FNBP1: variants seen among roughly 807,000 people sequenced by gnomAD.
FNBP1 encodes the protein formin-binding protein 1.
FNBP1 carries 26 observed loss-of-function variants against 90.6 expected under a neutral mutation model. That is an observed-to-expected ratio of 0.29 (90% CI 0.21 to 0.40). The LOEUF (loss-of-function observed/expected upper bound fraction) is 0.40. FNBP1 is among the 10% of genes least tolerant of loss of function. FNBP1 has a pLI of 1.00. For synonymous variants in FNBP1, 260 were observed against 265.2 expected (o/e 0.98, Z 0.19); for missense variants, 635 against 768.0 (o/e 0.83, Z 2.05).
At chr9:129,912,852 G>A (rs1351538857) in intron 11 of FNBP1, among the ~76,000 whole-genome samples, 1 of 152,218 alleles carries the variant, frequency 6.6e-6, no homozygotes, top group African/African-American at 2.4e-5. Context: ...ATGTGTGGCT[G>A]TGAAGCATTT....
intron 2 of FNBP1, among the ~76,000 whole-genome samples, chr9:129,992,834 G>A (rs2053403108): frequency 6.7e-6 from 1 of 149,478 alleles, no homozygotes; most frequent in African/African-American, 2.5e-5. Flanking sequence ...TTACAGGTAT[G>A]AGCCACTGCG....
At chr9:129,938,626 C>T (rs967207918) in intron 6 of FNBP1, among the ~76,000 whole-genome samples, 2 of 151,016 alleles carry the variant, frequency 1.3e-5, no homozygotes, top group African/African-American at 4.9e-5. Context: ...GGAGAGAATG[C>T]AGAAAGATAG....
rs527283659 is a variant in FNBP1 at position 129,903,723 on chromosome 9, G to A, written c.1296-722C>T. Among the ~76,000 whole-genome samples, 9 of 152,052 alleles carry A rather than the reference G, an allele frequency of 5.9e-5. No homozygotes were observed. In the South Asian group the frequency reaches 1.0e-3, roughly 18 times the overall value. On this transcript the variant is annotated intron_variant, in intron 12 of 16. Coordinates refer to ENST00000446176, the MANE Select transcript of FNBP1 (RefSeq NM_015033.3). ...TTTTTGTATTTTTGGTAGAGACTGC[G>A]TTTTGCCATGTTGCCCAGGCTGGTC...
the FNBP1 span, among the ~76,000 whole-genome samples, chr9:130,052,667 T>G: frequency 6.6e-6 from 1 of 151,856 alleles, no homozygotes; most frequent in Non-Finnish European, 1.5e-5. Flanking sequence ...CAACTGACTT[T>G]CAAGTGATCC....
At chr9:130,034,489 T>C (rs746691277) in intron 1 of FNBP1, among the ~76,000 whole-genome samples, 2 of 152,092 alleles carry the variant, frequency 1.3e-5, no homozygotes, top group Non-Finnish European at 1.5e-5. Context: ...TATTCCTCCT[T>C]GTTCTTTCTC....
chr9:130,015,612 A>C (rs984237396), intron 1 of FNBP1, among the ~76,000 whole-genome samples: 1 of 152,130 alleles, frequency 6.6e-6, no homozygotes, highest in Non-Finnish European at 1.5e-5. Flanking sequence ...GAATACTACC[A>C]TTTGCAAAAC....
intron 10 of FNBP1, among the ~76,000 whole-genome samples, chr9:129,922,894 A>AT (rs1399660800): frequency 2.7e-5 from 4 of 150,764 alleles, no homozygotes; most frequent in Admixed American, 1.3e-4. Context: ...ATTATTTATT[A>AT]TTTTTTTTTA....
At chr9:129,941,701 G>C (rs2044350237) in intron 6 of FNBP1, among the ~76,000 whole-genome samples, 1 of 152,160 alleles carries the variant, frequency 6.6e-6, no homozygotes, top group African/African-American at 2.4e-5. Flanking sequence ...CTGGGCTCAA[G>C]TGATCCTTCC....
intron 6 of FNBP1, among the ~76,000 whole-genome samples, chr9:129,944,265 G>A (rs543095744): frequency 2.0e-5 from 3 of 152,032 alleles, no homozygotes; most frequent in Non-Finnish European, 4.4e-5. Flanking sequence ...AAATATGGCC[G>A]GGTGCGGTAG....
intron 12 of FNBP1, among the ~76,000 whole-genome samples, chr9:129,907,218 G>A (rs1026342943): frequency 4.6e-5 from 7 of 151,954 alleles, no homozygotes; most frequent in African/African-American, 1.7e-4. Context: ...TTATAAGTTA[G>A]ATGTGTCTTT....
intron 10 of FNBP1, chr9:129,918,946 C>T (rs1488037343): frequency 5.6e-6 from 1 of 179,958 alleles, no homozygotes; most frequent in Non-Finnish European, 1.2e-5. Flanking sequence ...TTTATTCATG[C>T]AAGCTTTTCG....
chr9:129,974,775 A>G (rs960598855), intron 4 of FNBP1, among the ~76,000 whole-genome samples: 5 of 151,764 alleles, frequency 3.3e-5, no homozygotes, highest in Non-Finnish European at 7.4e-5. Context: ...TAGGAGGATC[A>G]TTTGACTTCA....
chr9:129,951,721 A>G (rs147600867), intron 6 of FNBP1, among the ~76,000 whole-genome samples: 219 of 152,082 alleles, frequency 1.4e-3, no homozygotes, highest in African/African-American at 5.2e-3. Flanking sequence ...CTGGGATTAC[A>G]GGCATGAGCC....
intron 1 of FNBP1, among the ~76,000 whole-genome samples, chr9:130,021,914 T>G (rs578233975): frequency 7.5e-4 from 114 of 152,260 alleles, no homozygotes; most frequent in African/African-American, 2.7e-3. Context: ...CAGGCTGGAG[T>G]GTAGTGGTGC....
chr9:129,891,298 CAAAAAATTAAA>C (rs1030723326), intron 16 of FNBP1, among the ~76,000 whole-genome samples: 1 of 151,840 alleles, frequency 6.6e-6, no homozygotes, highest in African/African-American at 2.4e-5. Flanking sequence ...CTCATCTCTA[CAAAAAATTAAA>C]AAAAAATTAA....
At chr9:130,047,284 G>A (rs147039455), upstream of FNBP1, among the ~76,000 whole-genome samples, 1 of 152,130 alleles carries the variant, frequency 6.6e-6, no homozygotes, top group South Asian at 2.1e-4. Context: ...ATCCCAACAC[G>A]TTTGGTCACA....
At chr9:130,033,375 C>T (rs2058980088) in intron 1 of FNBP1, among the ~76,000 whole-genome samples, 1 of 152,286 alleles carries the variant, frequency 6.6e-6, no homozygotes, top group Non-Finnish European at 1.5e-5. Flanking sequence ...CCGTTTGTCC[C>T]CAGAGCCTGT....
rs561854230 is a variant in FNBP1 at position 129,914,174 on chromosome 9, G to T, written c.1185+1792C>A. On this transcript the variant is annotated intron_variant, in intron 11 of 16. Coordinates refer to ENST00000446176, the MANE Select transcript of FNBP1 (RefSeq NM_015033.3). ...CCTGGTCCCACATCTTTTTTCTTTT[G>T]TCTTTTTTTTTTTTTTCAGACATGG... Among the ~76,000 whole-genome samples, 8 of 148,086 alleles carry T rather than the reference G, an allele frequency of 5.4e-5. No homozygotes were observed. In the East Asian group the frequency reaches 6.0e-4, roughly 11 times the overall value.
intron 6 of FNBP1, among the ~76,000 whole-genome samples, chr9:129,934,252 A>T (rs941927688): frequency 2.6e-5 from 4 of 152,220 alleles, no homozygotes; most frequent in African/African-American, 9.7e-5. Context: ...AATTAAATTA[A>T]ATTTCCCATT....
Sources: gnomAD v4.1 joint callset for allele counts (sites outside exome capture counted in the v4.1 genomes callset) on GRCh38, gnomAD v4.1.1 for gene constraint, MANE v1.5 for transcripts, NCBI Gene and HGNC (gene_info 2026-07-23, HGNC 2026-07-21) for gene names.